PTPN14: variants seen among roughly 807,000 people sequenced by gnomAD.
PTPN14 encodes the protein protein tyrosine phosphatase non-receptor type 14.
Under a neutral mutation model 126.8 loss-of-function variants are expected in PTPN14, and 53 were observed. That is an observed-to-expected ratio of 0.42 (90% CI 0.34 to 0.53). The LOEUF is 0.53. Among genes scored for constraint, PTPN14 ranks in the 20% least tolerant of loss-of-function variants. PTPN14 has a pLI of 0.08. For synonymous variants in PTPN14, 630 were observed against 599.3 expected (o/e 1.05, Z -0.75); for missense variants, 1,257 against 1,552.9 (o/e 0.81, Z 3.20).
chr1:214,449,210 G>A (rs1014030670), intron 3 of PTPN14, among the ~76,000 whole-genome samples: 10 of 151,644 alleles, frequency 6.6e-5, no homozygotes, highest in African/African-American at 2.2e-4. Flanking sequence ...GTTTCACGGT[G>A]TTAGCCAGGA....
chr1:214,369,273 A>G (rs930575011), intron 17 of PTPN14, among the ~76,000 whole-genome samples, 184 bp downstream of exon 17: 1 of 152,240 alleles, frequency 6.6e-6, no homozygotes, highest in Non-Finnish European at 1.5e-5. Flanking sequence ...GGTAAACAGA[A>G]TAAGTGACAT....
At chr1:214,402,456 A>AAAAAG in intron 6 of PTPN14, among the ~76,000 whole-genome samples, 1 of 138,564 alleles carries the variant, frequency 7.2e-6, no homozygotes, top group African/African-American at 2.7e-5. Flanking sequence ...AAAAAAAAAA[A>AAAAAG]AAAGCCACGA....
At chr1:214,358,867 G>A (rs866435410) in intron 18 of PTPN14, among the ~76,000 whole-genome samples, 8 of 148,992 alleles carry the variant, frequency 5.4e-5, no homozygotes, top group Middle Eastern at 7.0e-3. Context: ...CTCAGCCTCC[G>A]GAGTAGCTGG....
intron 1 of PTPN14, among the ~76,000 whole-genome samples, chr1:214,473,610 T>C (rs1444091301): frequency 6.6e-6 from 1 of 152,102 alleles, no homozygotes; most frequent in African/African-American, 2.4e-5. Context: ...TTGGTGAGGG[T>C]GTAAGAAAGG....
chr1:214,528,994 C>T (rs12136877), intron 1 of PTPN14: 2,480 of 151,980 alleles, frequency 0.016, 22 homozygotes, highest in South Asian at 0.029. Flanking sequence ...TGATGATACC[C>T]ACAGCCTATG....
intron 1 of PTPN14, among the ~76,000 whole-genome samples, chr1:214,465,344 TC>T (rs1210866136): frequency 6.6e-6 from 1 of 152,174 alleles, no homozygotes; most frequent in Non-Finnish European, 1.5e-5. Flanking sequence ...GCGTGGTGGC[TC>T]ATGCCTGTAA....
At chr1:214,429,141 T>C (rs1287446807) in intron 3 of PTPN14, among the ~76,000 whole-genome samples, 2 of 152,208 alleles carry the variant, frequency 1.3e-5, no homozygotes, top group Admixed American at 1.3e-4. Context: ...TGACCATGCT[T>C]ATAGACAGGA....
At chr1:214,470,123 C>T (rs1660721523) in intron 1 of PTPN14, among the ~76,000 whole-genome samples, 1 of 23,156 alleles carries the variant, frequency 4.3e-5, no homozygotes, top group Non-Finnish European at 8.2e-5. Context: ...TTTGACCCTA[C>T]AAAATAAAAA....
At chr1:214,519,543 C>T (rs1027792808) in intron 1 of PTPN14, among the ~76,000 whole-genome samples, 1 of 152,130 alleles carries the variant, frequency 6.6e-6, no homozygotes, top group Non-Finnish European at 1.5e-5. Flanking sequence ...GATACTAAAG[C>T]ACTCTTATTT....
chr1:214,364,805 GT>G lies in PTPN14; in HGVS notation c.3272-131del, dbSNP rs1207286100. The G allele has an allele frequency of 7.7e-5, 64 of 830,284 alleles. No homozygotes were observed. In the African/African-American group the frequency reaches 9.3e-4, roughly 12 times the overall value. The allele number at this position is 830,284 out of a possible 1,614,324, so 51.4% of individuals were successfully genotyped here. A position where few individuals can be genotyped will look rare whatever the true frequency, so the allele number is the denominator to read the frequency against. On this transcript the variant is annotated intron_variant, in intron 17 of 18. Coordinates refer to ENST00000366956, the MANE Select transcript of PTPN14 (RefSeq NM_005401.5). The surrounding 1 kb of genome is among the most constrained non-coding windows in gnomAD (Gnocchi z 4.1). ...TGTGTGTGTGTGTGTGTGTGTGTGT[GT>G]TTTAAGTGACAATAATTTATAGTTC...
intron 1 of PTPN14, among the ~76,000 whole-genome samples, chr1:214,520,047 C>CAAAAAAAAAAAAAAA (rs1183768381): frequency 8.7e-5 from 7 of 80,768 alleles, no homozygotes; most frequent in Non-Finnish European, 1.3e-4. Context: ...AACCCTGTCT[C>CAAAAAAAAAAAAAAA]AAAAAAAAAA....
chr1:214,497,272 A>G (rs1383334452), intron 1 of PTPN14, among the ~76,000 whole-genome samples: 1 of 152,226 alleles, frequency 6.6e-6, no homozygotes, highest in East Asian at 1.9e-4. Flanking sequence ...TGAAAGACAC[A>G]CAGCTAAGAA....
Position 214,510,402 on chromosome 1 carries a change from C to T in PTPN14, c.-155+40781G>A, listed in dbSNP as rs6681137. Among the ~76,000 whole-genome samples the T allele has an allele frequency of 7.5e-3, 1,144 of 152,324 alleles. 10 individuals carry two copies. Among genetic ancestry groups the T allele is most frequent in the African/African-American group, 0.026 (1,072 of 41,560 alleles). On this transcript the variant is annotated intron_variant, in intron 1 of 18. Coordinates refer to ENST00000366956, the MANE Select transcript of PTPN14 (RefSeq NM_005401.5). ...ACAGACTTGCTCAATGCATGGTTGTCACAAACCTTCCATCTATACAAGAAA... is the reference window on the plus strand; with the variant it reads ...ACAGACTTGCTCAATGCATGGTTGTTACAAACCTTCCATCTATACAAGAAA...
At chr1:214,526,805 A>G (rs1655410961) in intron 1 of PTPN14, among the ~76,000 whole-genome samples, 1 of 152,190 alleles carries the variant, frequency 6.6e-6, no homozygotes, top group Admixed American at 6.5e-5. Flanking sequence ...TAAAGAGAGC[A>G]GGTGGGCCGG....
At chr1:214,386,285 GA>G (rs1275772748) in intron 12 of PTPN14, among the ~76,000 whole-genome samples, 7 of 152,184 alleles carry the variant, frequency 4.6e-5, no homozygotes, top group Non-Finnish European at 1.0e-4. Flanking sequence ...ATTACTAGCA[GA>G]AGAAGCTTTT....
Position 214,384,071 on chromosome 1 carries a change from G to A in PTPN14, c.1784C>T (p.Pro595Leu), listed in dbSNP as rs749989636. Residue 595 changes from proline (P) to leucine (L), a missense_variant, in exon 13 of 19, where the codon CCG becomes CTG. Physicochemically the swap from Pro to Leu is moderately conservative, Grantham distance 98. Around this residue, in one of 3 missense-constraint regions of PTPN14, gnomAD observed 1,021 missense variants for 1,183.3 expected, o/e 0.86. Transcript: ENST00000366956. The surrounding 1 kb of genome is among the most constrained non-coding windows in gnomAD (Gnocchi z 5.3). ...CTGCACCTTCCGGGTCACCAGGTCC[G>A]GGCTGCTGCCGCTGACGTACTTGTG... Reference protein sequence around the residue: ...HRHKYVSGSSPDLVTRKVQLS... With the variant: ...HRHKYVSGSSLDLVTRKVQLS... 6 of 1,579,528 alleles carry A rather than the reference G, an allele frequency of 3.8e-6. No homozygotes were observed. The highest frequency in any genetic ancestry group is 2.2e-5 in the East Asian group (1 of 44,556).
chr1:214,547,817 T>C (rs1003798746), intron 1 of PTPN14, among the ~76,000 whole-genome samples: 1 of 151,962 alleles, frequency 6.6e-6, no homozygotes, highest in African/African-American at 2.4e-5. Context: ...CTCAAACTTC[T>C]CTACTGCCTG....
chr1:214,483,526 G>A (rs1661049557), intron 1 of PTPN14: 1 of 637,918 alleles, frequency 1.6e-6, no homozygotes, highest in African/African-American at 1.8e-5. Flanking sequence ...TTTCTTCTTT[G>A]TAAAATATAC....
intron 3 of PTPN14, among the ~76,000 whole-genome samples, chr1:214,436,507 A>T (rs1338566812): frequency 6.6e-6 from 1 of 152,208 alleles, no homozygotes; most frequent in Non-Finnish European, 1.5e-5. Flanking sequence ...TTGGTTAAAG[A>T]CAGTTAGGGC....
Sources: allele counts gnomAD v4.1 joint callset (sites outside exome capture counted in the v4.1 genomes callset), GRCh38; gene constraint gnomAD v4.1.1; regional missense constraint gnomAD v4.1.1; non-coding constraint Gnocchi (gnomAD v3.1); transcripts MANE v1.5; gene names NCBI Gene and HGNC (gene_info 2026-07-23, HGNC 2026-07-21).